The following AFMID variants were observed in gnomAD, a reference collection of about 807,000 sequenced individuals.
AFMID encodes the protein arylformamidase.
AFMID carries 39 observed loss-of-function variants against 47.5 expected under a neutral mutation model. The ratio of observed to expected loss-of-function variants is 0.82; its 90% CI spans 0.64 to 1.07. AFMID has a LOEUF of 1.07. Among genes scored for constraint, AFMID ranks in the 50% least tolerant of loss-of-function variants. The pLI is 0.00. For missense variants in AFMID, 375 were observed against 387.5 expected (o/e 0.97, Z 0.27); for synonymous variants, 130 against 153.2 (o/e 0.85, Z 1.12).
At chr17:78,205,791 A>G (rs1270692593) in intron 9 of AFMID, 53 bp downstream of exon 9, 1 of 1,601,648 alleles carries the variant, frequency 6.2e-7, no homozygotes, top group Middle Eastern at 1.7e-4. Flanking sequence ...TGGGCTCATT[A>G]TTTTCCTCTT....
chr17:78,187,520 C>A, intron 1 of AFMID, 87 bp downstream of exon 1: 1 of 1,493,746 alleles, frequency 6.7e-7, no homozygotes, highest in Non-Finnish European at 9.3e-7. Flanking sequence ...AGCTTAGAAG[C>A]CGTCTAGAGC....
rs768674266 is a variant in AFMID at position 78,206,944 on chromosome 17, C to T, written c.*7C>T. On this transcript the variant is annotated 3_prime_UTR_variant, in exon 11 of 11. Coordinates refer to ENST00000409257, the MANE Select transcript of AFMID (RefSeq NM_001010982.5). Reference sequence around the variant, plus strand: ...GAAAACAATCTTCCAGTAGTTCTGACGATACTTGGAGCCTGGTCCACGTGC... The same window carrying T: ...GAAAACAATCTTCCAGTAGTTCTGATGATACTTGGAGCCTGGTCCACGTGC... 9 of 1,613,960 alleles carry T rather than the reference C, an allele frequency of 5.6e-6. No individual in the cohort carries two copies. The highest frequency in any genetic ancestry group is 1.6e-4 in the Middle Eastern group (1 of 6,062).
chr17:78,195,757 A>G (rs1164703217), intron 2 of AFMID, among the ~76,000 whole-genome samples: 1 of 152,004 alleles, frequency 6.6e-6, no homozygotes, highest in Non-Finnish European at 1.5e-5. Context: ...CCGCCTCCCA[A>G]AGTGCTGGGA....
intron 1 of AFMID, chr17:78,190,704 C>T (rs903971471): frequency 2.0e-4 from 79 of 394,850 alleles, no homozygotes; most frequent in Admixed American, 1.9e-3. Context: ...CTCCCCTGGT[C>T]GTAACTGCTG....
At chr17:78,199,445 G>A (rs1192707684) in intron 2 of AFMID, among the ~76,000 whole-genome samples, 2 of 150,426 alleles carry the variant, frequency 1.3e-5, no homozygotes, top group African/African-American at 4.9e-5. Context: ...GTGCAATCTC[G>A]GCTCGCTGCA....
chr17:78,199,070 C>T (rs770742121), intron 2 of AFMID, among the ~76,000 whole-genome samples: 30 of 152,216 alleles, frequency 2.0e-4, no homozygotes, highest in African/African-American at 4.3e-4. Flanking sequence ...TACGTCAGTA[C>T]GCAGGGAGCC....
rs1204999441 is a variant in AFMID at position 78,187,398 on chromosome 17, C to G, written c.28C>G (p.Pro10Ala). 21 of 1,613,948 alleles carry G rather than the reference C, an allele frequency of 1.3e-5. No individual in the cohort carries two copies. The highest frequency in any genetic ancestry group is 1.8e-5 in the Non-Finnish European group (21 of 1,179,982). Residue 10 changes from proline to alanine, a missense_variant, in exon 1 of 11, where the codon CCA becomes GCA. Pro to Ala is a conservative substitution (Grantham distance 27, BLOSUM62 -1). Coordinates refer to ENST00000409257, the MANE Select transcript of AFMID (RefSeq NM_001010982.5). MMDVSGVGF[P>A]SKVPWKKMSA... ...GATGGATGTGTCTGGTGTGGGTTTCCCAAGCAAGGTTCCTTGGAAGAAGAT... is the reference window on the plus strand; with the variant it reads ...GATGGATGTGTCTGGTGTGGGTTTCGCAAGCAAGGTTCCTTGGAAGAAGAT...
Position 78,203,055 on chromosome 17 carries a change from C to CTTT in AFMID, c.308+327_308+329dup, listed in dbSNP as rs56016227. 219 of 111,112 alleles carry CTTT rather than the reference C, an allele frequency of 2.0e-3. 1 individual carries two copies. Among genetic ancestry groups the CTTT allele is most frequent in the East Asian group, 3.6e-3 (12 of 3,314 alleles). 6.9% of individuals were successfully genotyped at this position (111,112 alleles called of 1,614,324 possible). A position where few individuals can be genotyped will look rare whatever the true frequency, so the allele number is the denominator to read the frequency against. On this transcript the variant is annotated intron_variant, in intron 4 of 10. Coordinates refer to ENST00000409257, the MANE Select transcript of AFMID (RefSeq NM_001010982.5). The stretch of plus-strand genomic sequence containing the variant: ...TCCTGGGTCTCAAATCTTCCTCTCT[C>CTTT]TTTTTTTTTTTTTTTTTTTTTTTTT...
intron 9 of AFMID, 23 bp downstream of exon 9, chr17:78,205,761 G>C: frequency 6.2e-7 from 1 of 1,606,932 alleles, no homozygotes; most frequent in Non-Finnish European, 8.5e-7. Context: ...CAGGTTTGTG[G>C]CCAGAGGTCG....
Position 78,205,533 on chromosome 17 carries a change from C to T in AFMID, c.644+15C>T. ...CAGCTGACCCTGTGAGTTACTTGGC[C>T]ACCACCTCCCCTGGCTCACCAGGAG... is the stretch of plus-strand genomic sequence containing the variant. On this transcript the variant is annotated intron_variant, in intron 8 of 10. Transcript: ENST00000409257. The T allele has an allele frequency of 1.2e-6, 2 of 1,614,168 alleles. No homozygotes were observed. The highest frequency in any genetic ancestry group is 1.1e-5 in the South Asian group (1 of 91,088).
chr17:78,191,086 G>T (rs374170732), intron 2 of AFMID, 26 bp downstream of exon 2: 38 of 1,587,328 alleles, frequency 2.4e-5, no homozygotes, highest in Non-Finnish European at 3.0e-5. Context: ...CTCCGTGGCC[G>T]CATTGGGTGT....
chr17:78,188,019 A>C (rs934910048), intron 1 of AFMID, among the ~76,000 whole-genome samples: 2 of 150,808 alleles, frequency 1.3e-5, no homozygotes, highest in African/African-American at 4.9e-5. Flanking sequence ...TTAGGGGACA[A>C]AGTTCTGGAC....
intron 2 of AFMID, chr17:78,197,172 T>TTA: frequency 6.4e-7 from 1 of 1,550,590 alleles, no homozygotes; most frequent in African/African-American, 1.4e-5. Flanking sequence ...GTGAATTAAA[T>TTA]CACGACCTTC....
intron 2 of AFMID, among the ~76,000 whole-genome samples, chr17:78,196,680 GA>G (rs200233609): frequency 7.4e-5 from 11 of 147,774 alleles, no homozygotes; most frequent in African/African-American, 1.2e-4. Context: ...AACTCCATCT[GA>G]AAAAAAAAAC....
intron 2 of AFMID, among the ~76,000 whole-genome samples, chr17:78,192,019 A>G (rs1399308584): frequency 7.2e-6 from 1 of 138,248 alleles, no homozygotes; most frequent in African/African-American, 2.8e-5. Flanking sequence ...TGTTTTTGAG[A>G]CAGAGTTTCG....
At chr17:78,197,610 C>A (rs971567633) in intron 2 of AFMID, 6 of 194,718 alleles carry the variant, frequency 3.1e-5, no homozygotes, top group Admixed American at 1.7e-4. Context: ...AGACAGGAGC[C>A]CAGGATGGAT....
At position 78,205,610 on chromosome 17, in the gene AFMID, G is replaced by A. The variant is rs926323806; in HGVS notation, c.652G>A (p.Ala218Thr). 6.2e-6 allele frequency: 10 copies of A among 1,613,506 alleles called. No individual in the cohort carries two copies. Among genetic ancestry groups the A allele is most frequent in the East Asian group, 2.2e-5 (1 of 44,846 alleles). ...GTCCACTCCCCACCCCAGGGAGGAC[G>A]CTCAGAGGAATAGCCCCCAGCTGAA... is the stretch of plus-strand genomic sequence containing the variant. ...NVALQLTLED[A>T]QRNSPQLKVA... is the part of the protein sequence containing the mutation. Residue 218 changes from alanine to threonine, a missense_variant, in exon 9 of 11, where the codon GCT (alanine) becomes ACT (threonine). By Grantham distance (58) the Ala-to-Thr change is moderately conservative (BLOSUM62 0). Transcript: ENST00000409257.
At position 78,206,991 on chromosome 17, in the gene AFMID, C is replaced by T. The variant is rs756093284; in HGVS notation, c.*54C>T. On this transcript the variant is annotated 3_prime_UTR_variant, in exon 11 of 11. Coordinates refer to ENST00000409257, the MANE Select transcript of AFMID (RefSeq NM_001010982.5). ...GTGCATCCCACCTTGGGAAGCCTCTCCAAAGAGCTTTCGGAGCTGACACTG... is the reference window on the plus strand; with the variant it reads ...GTGCATCCCACCTTGGGAAGCCTCTTCAAAGAGCTTTCGGAGCTGACACTG... 6.3e-7 allele frequency: 1 copy of T among 1,589,220 alleles called. No individual in the cohort carries two copies. Among genetic ancestry groups the T allele is most frequent in the Non-Finnish European group, 8.6e-7 (1 of 1,157,414 alleles).
At position 78,207,273 on chromosome 17, in the gene AFMID, C is replaced by CTTTTTTTTTTTTTTT. The variant is rs1163959276; in HGVS notation, c.*350_*364dup. 1.4e-4 allele frequency: 12 copies of CTTTTTTTTTTTTTTT among 83,786 alleles called. No individual in the cohort carries two copies. The highest frequency in any genetic ancestry group is 1.1e-3 in the East Asian group (2 of 1,846). The allele number at this position is 83,786 out of a possible 1,614,324, so 5.2% of individuals were successfully genotyped here. Reference sequence around the variant, plus strand: ...ACGCTCAAAAGTAATGCCATTACTTCTTTTTTTTTTTTTTTTTTTTTTTTT... The same window carrying CTTTTTTTTTTTTTTT: ...ACGCTCAAAAGTAATGCCATTACTTCTTTTTTTTTTTTTTTTTTTTTTTTTTTTTTTTTTTTTTTT... On this transcript the variant is annotated 3_prime_UTR_variant, in exon 11 of 11. Transcript: ENST00000409257.
Sources: allele counts gnomAD v4.1 joint callset (sites outside exome capture counted in the v4.1 genomes callset), GRCh38; gene constraint gnomAD v4.1.1; transcripts MANE v1.5; gene names NCBI Gene and HGNC (gene_info 2026-07-23, HGNC 2026-07-21).